Variants in RLN2 observed in about 807,000 individuals in gnomAD.
RLN2 encodes relaxin 2, also known as prorelaxin H2.
In RLN2, 10 loss-of-function variants were observed where a neutral mutation model predicts 7.3. The ratio of observed to expected loss-of-function variants is 1.36; its 90% CI spans 0.84 to 2.31. The LOEUF (loss-of-function observed/expected upper bound fraction) is 2.31, where lower values mean the gene tolerates loss of function less well. Among genes scored for constraint, RLN2 ranks in the 30% most tolerant of loss-of-function variants. The pLI is 0.00. For synonymous variants in RLN2, 103 were observed against 82.3 expected (o/e 1.25, Z -1.36); for missense variants, 298 against 217.6 (o/e 1.37, Z -2.32).
At chr9:5,318,475 T>A in the RLN2 span, among the ~76,000 whole-genome samples, 2 of 151,986 alleles carry the variant, frequency 1.3e-5, no homozygotes, top group East Asian at 3.9e-4. Context: ...AAAACCCCAA[T>A]ATGGTAAGTG....
the RLN2 span, among the ~76,000 whole-genome samples, chr9:5,327,042 G>A: frequency 7.3e-3 from 1,106 of 152,186 alleles, 18 homozygotes; most frequent in African/African-American, 0.026. Context: ...ACTGGAACTG[G>A]TTGAACAGTG....
chr9:5,333,557 C>G, the RLN2 span, among the ~76,000 whole-genome samples: 1 of 151,868 alleles, frequency 6.6e-6, no homozygotes, highest in Non-Finnish European at 1.5e-5. Flanking sequence ...AGCCCAGGTC[C>G]TGATGGATTT....
chr9:5,316,588 C>G, the RLN2 span, among the ~76,000 whole-genome samples: 1 of 151,950 alleles, frequency 6.6e-6, no homozygotes, highest in South Asian at 2.1e-4. Flanking sequence ...ATGATGGTTT[C>G]CAACTTCATC....
In RLN2 at chr9:5,300,133, C is replaced by T; in HGVS notation, c.523G>A (p.Gly175Ser). 6.2e-7 allele frequency: 1 copy of T among 1,603,706 alleles called. No homozygotes were observed. The highest frequency in any genetic ancestry group is 8.5e-7 in the Non-Finnish European group (1 of 1,177,026). Residue 175 changes from glycine to serine, a missense_variant, in exon 2 of 2, where the codon GGT becomes AGT. Coordinates refer to ENST00000381627, the MANE Select transcript of RLN2 (RefSeq NM_134441.3). ...CTAGCAAGAGATCTTTTGGTACAAC[C>T]AACATGGCAACATTTATTAGCCAAT... ...SALANKCCHV[G>S]CTKRSLARFC
chr9:5,310,487 T>G, the RLN2 span, among the ~76,000 whole-genome samples: 3 of 152,032 alleles, frequency 2.0e-5, no homozygotes, highest in Non-Finnish European at 4.4e-5. Flanking sequence ...TTCCTATCAT[T>G]TAGAGTCTCT....
At chr9:5,330,857 T>G in the RLN2 span, among the ~76,000 whole-genome samples, 2 of 148,398 alleles carry the variant, frequency 1.3e-5, no homozygotes, top group East Asian at 3.9e-4. Context: ...CTAGCAACAC[T>G]AATTAAGAAG....
At chr9:5,336,493 T>C in the RLN2 span, among the ~76,000 whole-genome samples, 6 of 152,060 alleles carry the variant, frequency 3.9e-5, no homozygotes, top group South Asian at 2.1e-4. Flanking sequence ...TCCATCTTTG[T>C]ACCCATTCAG....
In RLN2 at chr9:5,304,516, G is replaced by A. The variant is rs768518356; in HGVS notation, c.65C>T (p.Ala22Val). ...TTCCTCCATCCATGAGTCCGCGACT[G>A]CTCTGGAAAATTGGTTCAGTAGTAA... ...VCLLLNQFSRAVADSWMEEVI... is the reference protein window; with the variant it reads ...VCLLLNQFSRVVADSWMEEVI... Residue 22 changes from alanine (A) to valine (V), a missense_variant, in exon 1 of 2, where the codon GCA becomes GTA. Ala to Val is a moderately conservative substitution (Grantham distance 64, BLOSUM62 0). Transcript: ENST00000381627. 5.6e-6 allele frequency: 9 copies of A among 1,613,766 alleles called. No homozygotes were observed. The highest frequency in any genetic ancestry group is 2.2e-5 in the East Asian group (1 of 44,868).
intron 1 of RLN2, among the ~76,000 whole-genome samples, chr9:5,301,796 C>G (rs921622427): frequency 6.6e-6 from 1 of 151,570 alleles, no homozygotes; most frequent in Non-Finnish European, 1.5e-5. Context: ...CCCTTCTAGC[C>G]AACAAAAAAA....
chr9:5,332,090 G>A, the RLN2 span, among the ~76,000 whole-genome samples: 2 of 151,864 alleles, frequency 1.3e-5, no homozygotes, highest in African/African-American at 4.8e-5. Flanking sequence ...CTCATATATT[G>A]AAATAATATT....
the RLN2 span, chr9:5,311,668 C>A: frequency 7.5e-7 from 1 of 1,334,428 alleles, no homozygotes; most frequent in Non-Finnish European, 1.1e-6. Flanking sequence ...ATGGAGACGC[C>A]AAAACAGACC....
the RLN2 span, among the ~76,000 whole-genome samples, chr9:5,337,049 ACT>A: frequency 6.6e-6 from 1 of 151,810 alleles, no homozygotes; most frequent in Non-Finnish European, 1.5e-5. Context: ...TGCCCCTAAC[ACT>A]CTCGCTCATC....
the RLN2 span, chr9:5,335,458 A>C: frequency 6.2e-7 from 1 of 1,613,698 alleles, no homozygotes; most frequent in Non-Finnish European, 8.5e-7. Context: ...CCTTTAATGC[A>C]GGTACATACT....
the RLN2 span, among the ~76,000 whole-genome samples, chr9:5,316,218 CATATA>C: frequency 6.6e-6 from 1 of 151,930 alleles, no homozygotes; most frequent in African/African-American, 2.4e-5. Flanking sequence ...TTATCATTGA[CATATA>C]TATGTATATA....
At chr9:5,313,803 A>C in the RLN2 span, among the ~76,000 whole-genome samples, 5 of 152,020 alleles carry the variant, frequency 3.3e-5, no homozygotes, top group African/African-American at 9.7e-5. Flanking sequence ...AAGCAACTAC[A>C]TTTAGAAGAA....
At chr9:5,309,722 T>G in the RLN2 span, among the ~76,000 whole-genome samples, 1 of 152,048 alleles carries the variant, frequency 6.6e-6, no homozygotes, top group Non-Finnish European at 1.5e-5. Context: ...TCCTTACTTG[T>G]AGGTCTTTCC....
At chr9:5,305,412 G>C (rs1276140042), upstream of RLN2, among the ~76,000 whole-genome samples, 14 of 150,584 alleles carry the variant, frequency 9.3e-5, no homozygotes, top group African/African-American at 3.2e-4. Context: ...CAGAGAGAGA[G>C]AGAGAGAGAG....
At chr9:5,332,689 C>T in the RLN2 span, among the ~76,000 whole-genome samples, 35 of 151,464 alleles carry the variant, frequency 2.3e-4, no homozygotes, top group Admixed American at 1.6e-3. Context: ...ATGGCGCAAT[C>T]TCAGCTTACT....
chr9:5,326,530 G>C, the RLN2 span, among the ~76,000 whole-genome samples: 1 of 152,050 alleles, frequency 6.6e-6, no homozygotes, highest in Non-Finnish European at 1.5e-5. Flanking sequence ...GGGAAATGCA[G>C]TGTGGAGGGT....
Sources: allele counts gnomAD v4.1 joint callset (sites outside exome capture counted in the v4.1 genomes callset), GRCh38; gene constraint gnomAD v4.1.1; transcripts MANE v1.5; gene names NCBI Gene and HGNC (gene_info 2026-07-23, HGNC 2026-07-21).